PTPN13: variants seen among roughly 807,000 people sequenced by gnomAD.
PTPN13 encodes the protein tyrosine-protein phosphatase non-receptor type 13.
A neutral mutation model predicts 284.0 loss-of-function variants in PTPN13; 191 were observed. The observed-to-expected ratio is 0.67, with a 90% CI of 0.60 to 0.76. The LOEUF is 0.76. Among genes scored for constraint, PTPN13 ranks in the 30% least tolerant of loss-of-function variants. The probability of loss-of-function intolerance (pLI) is 0.00; values close to 1 mark genes in which losing one functional copy is unlikely to be tolerated. For synonymous variants in PTPN13, 986 were observed against 1,022.3 expected (o/e 0.96, Z 0.68); for missense variants, 2,797 against 2,939.9 (o/e 0.95, Z 1.12).
Position 86,701,656 on chromosome 4 carries a change from C to T in PTPN13, c.1050C>T (p.Ala350=), listed in dbSNP as rs775007077. 1.9e-6 allele frequency: 3 copies of T among 1,613,764 alleles called. No individual in the cohort carries two copies. The highest frequency in any genetic ancestry group is 2.5e-6 in the Non-Finnish European group (3 of 1,179,860). ...CAAGATACTCAGATGGAAGTATAGC[C>T]TTGGATATCTTTGGCCCTCAGAAAA... The part of the protein sequence containing the change: ...KEARYSDGSI[A]LDIFGPQKMD... Residue 350 remains alanine (A), a synonymous_variant, in exon 7 of 48, where the codon GCC becomes GCT. Transcript: ENST00000411767.
chr4:86,790,233 C>G (rs10009309), intron 40 of PTPN13, among the ~76,000 whole-genome samples: 15,151 of 152,102 alleles, frequency 0.1, 879 homozygotes, highest in Non-Finnish European at 0.11. Context: ...TACTGTAGAA[C>G]TTCTACATTT....
chr4:86,686,770 A>T lies in PTPN13; in HGVS notation c.355A>T (p.Ser119Cys), dbSNP rs750018559. 2 of 1,569,582 alleles carry T rather than the reference A, an allele frequency of 1.3e-6. No homozygotes were observed. The highest frequency in any genetic ancestry group is 3.6e-5 in the Admixed American group (2 of 55,352). The change falls in exon 4 of 48, where the codon AGC becomes TGC. Residue 119 changes from serine (S) to cysteine (C), a missense_variant. Physicochemically the swap from Ser to Cys is moderately radical, Grantham distance 112. Transcript: ENST00000411767. ...YWGADYEVPQ[S>C]QPIKLGDHLN... ...GGGGGCTGATTATGAAGTGCCTCAGAGCCAAGTAAGTTAAGTTTTTACAGT... is the reference window on the plus strand; with the variant it reads ...GGGGGCTGATTATGAAGTGCCTCAGTGCCAAGTAAGTTAAGTTTTTACAGT...
At chr4:86,797,087 G>T (rs957919333) in intron 41 of PTPN13, among the ~76,000 whole-genome samples, 158 bp downstream of exon 41, 3 of 152,130 alleles carry the variant, frequency 2.0e-5, no homozygotes, top group Non-Finnish European at 2.9e-5. Flanking sequence ...GGCCAGGTGC[G>T]GTGGCTCATG....
At chr4:86,641,512 C>T (rs1723784109) in intron 2 of PTPN13, among the ~76,000 whole-genome samples, 1 of 152,068 alleles carries the variant, frequency 6.6e-6, no homozygotes, top group African/African-American at 2.4e-5. Flanking sequence ...TCCCAGCAAT[C>T]GAAGGCTTTC....
chr4:86,772,242 A>T (rs12509560), intron 31 of PTPN13, among the ~76,000 whole-genome samples: 1 of 152,120 alleles, frequency 6.6e-6, no homozygotes, highest in Non-Finnish European at 1.5e-5. Flanking sequence ...GACTTTATGC[A>T]GCTTAAAGAG....
At chr4:86,753,575 A>G (rs955064732) in intron 20 of PTPN13, among the ~76,000 whole-genome samples, 13 of 152,052 alleles carry the variant, frequency 8.5e-5, no homozygotes, top group Non-Finnish European at 1.2e-4. Flanking sequence ...TCTTATGCTA[A>G]ATATTATGAG....
intron 3 of PTPN13, among the ~76,000 whole-genome samples, chr4:86,677,391 T>C (rs1427624115): frequency 2.0e-5 from 3 of 150,378 alleles, no homozygotes; most frequent in Non-Finnish European, 1.5e-5. Context: ...CTCAGCTCAC[T>C]GCAACCTCCA....
chr4:86,726,100 G>T (rs937322256), intron 10 of PTPN13, among the ~76,000 whole-genome samples: 2 of 149,444 alleles, frequency 1.3e-5, no homozygotes, highest in Non-Finnish European at 3.0e-5. Flanking sequence ...TCTTGTTTTT[G>T]TCAGGTTTGT....
chr4:86,653,794 C>A (rs1167584013), intron 2 of PTPN13, among the ~76,000 whole-genome samples: 1 of 152,034 alleles, frequency 6.6e-6, no homozygotes, highest in African/African-American at 2.4e-5. Flanking sequence ...TTCAGAAAAT[C>A]TTTTCCAGAA....
At chr4:86,735,884 A>G in intron 15 of PTPN13, 138 bp downstream of exon 15, 1 of 753,852 alleles carries the variant, frequency 1.3e-6, no homozygotes, top group East Asian at 2.9e-5. Context: ...GGCTAAAATT[A>G]TGGTATTTTA....
chr4:86,716,307 G>A (rs1733010551), intron 7 of PTPN13, among the ~76,000 whole-genome samples: 1 of 152,164 alleles, frequency 6.6e-6, no homozygotes, highest in Non-Finnish European at 1.5e-5. Context: ...CTAGAAAGTG[G>A]TGGAACTGAT....
chr4:86,721,484 G>C (rs917445207), intron 9 of PTPN13, among the ~76,000 whole-genome samples: 7 of 152,060 alleles, frequency 4.6e-5, no homozygotes, highest in African/African-American at 1.4e-4. Context: ...TATAATGATG[G>C]TGCCTTGAAG....
In PTPN13 at chr4:86,781,609, G is replaced by A. The variant is rs184846613; in HGVS notation, c.5963-592G>A. Among the ~76,000 whole-genome samples, 226 of 152,250 alleles carry A rather than the reference G, an allele frequency of 1.5e-3. 1 individual carries two copies. The highest frequency in any genetic ancestry group is 2.2e-3 in the Admixed American group (33 of 15,296). Reference sequence around the variant, plus strand: ...CTGTGATGGATCACCCATTCAGTGCGAAAAATTATAATCAGTGTATCACAT... The same window carrying A: ...CTGTGATGGATCACCCATTCAGTGCAAAAAATTATAATCAGTGTATCACAT... On this transcript the variant is annotated intron_variant, in intron 36 of 47. Coordinates refer to ENST00000411767, the MANE Select transcript of PTPN13 (RefSeq NM_080683.3).
At chr4:86,752,340 A>G (rs1012988344) in intron 19 of PTPN13, among the ~76,000 whole-genome samples, 16 of 152,164 alleles carry the variant, frequency 1.1e-4, no homozygotes, top group Non-Finnish European at 2.4e-4. Context: ...TATAATACAT[A>G]AATATTTATG....
intron 7 of PTPN13, among the ~76,000 whole-genome samples, chr4:86,709,093 A>G (rs1310064137): frequency 1.3e-5 from 2 of 152,012 alleles, no homozygotes; most frequent in African/African-American, 4.8e-5. Context: ...ACACAAACAC[A>G]CACTTGTGTG....
intron 3 of PTPN13, among the ~76,000 whole-genome samples, chr4:86,681,417 A>C (rs1728880393): frequency 6.6e-6 from 1 of 152,192 alleles, no homozygotes; most frequent in Admixed American, 6.5e-5. Context: ...ATGAGTAGAT[A>C]GTACTATTGG....
chr4:86,778,802 G>GA (rs1364278054), intron 35 of PTPN13, among the ~76,000 whole-genome samples: 1 of 151,852 alleles, frequency 6.6e-6, no homozygotes, highest in Non-Finnish European at 1.5e-5. Flanking sequence ...TTTTTAACGA[G>GA]AAAAACACAC....
At position 86,759,050 on chromosome 4, in the gene PTPN13, A is replaced by T. The variant is rs1419761165; in HGVS notation, c.3530A>T (p.Gln1177Leu). The T allele has an allele frequency of 6.2e-7, 1 of 1,613,312 alleles. No homozygotes were observed. The highest frequency in any genetic ancestry group is 8.5e-7 in the Non-Finnish European group (1 of 1,179,566). ...GAAGATGTGACACTTGTTATCTCTCAGCCAAAAGAAAAGATATCCAAAGGT... is the reference window on the plus strand; with the variant it reads ...GAAGATGTGACACTTGTTATCTCTCTGCCAAAAGAAAAGATATCCAAAGGT... ...APEDVTLVISQPKEKISKVPS... is the reference protein window; with the variant it reads ...APEDVTLVISLPKEKISKVPS... The change falls in exon 23 of 48, where the codon CAG becomes CTG. Residue 1177 changes from glutamine to leucine, a missense_variant. Transcript: ENST00000411767.
At chr4:86,774,560 T>C in intron 33 of PTPN13, 29 bp downstream of exon 33, 1 of 1,555,772 alleles carries the variant, frequency 6.4e-7, no homozygotes, top group Non-Finnish European at 8.7e-7. Context: ...ATGGATTATT[T>C]GTGTAAATGT....
Sources: gnomAD v4.1 joint callset for allele counts (sites outside exome capture counted in the v4.1 genomes callset) on GRCh38, gnomAD v4.1.1 for gene constraint, MANE v1.5 for transcripts, NCBI Gene and HGNC (gene_info 2026-07-23, HGNC 2026-07-21) for gene names.